The following NRG3 variants were observed in gnomAD, a reference collection of about 807,000 sequenced individuals.
NRG3 encodes the protein pro-neuregulin-3, membrane-bound isoform.
A neutral mutation model predicts 66.9 loss-of-function variants in NRG3; 31 were observed. The observed-to-expected ratio is 0.46, with a 90% CI of 0.35 to 0.63. The LOEUF is 0.63. Among genes scored for constraint, NRG3 ranks in the 20% least tolerant of loss-of-function variants. The probability of loss-of-function intolerance (pLI) is 0.00; values close to 1 mark genes in which losing one functional copy is unlikely to be tolerated. For missense variants in NRG3, 910 were observed against 878.9 expected (o/e 1.04, Z -0.45); for synonymous variants, 393 against 359.4 (o/e 1.09, Z -1.06).
chr10:82,203,890 T>C lies in NRG3; in HGVS notation c.824-154849T>C, dbSNP rs1407625534. Reference sequence around the variant, plus strand: ...GAATATTTAGCATTCTCTAATGCAGTCTACTGCATTAAGTCAGGTTTGCAT... The same window carrying C: ...GAATATTTAGCATTCTCTAATGCAGCCTACTGCATTAAGTCAGGTTTGCAT... On this transcript the variant is annotated intron_variant, in intron 1 of 8. Coordinates refer to ENST00000372141, the MANE Select transcript of NRG3 (RefSeq NM_001010848.4). Among the ~76,000 whole-genome samples the C allele has an allele frequency of 3.3e-5, 5 of 152,304 alleles. No homozygotes were observed. The South Asian group carries it at 8.3e-4, about 25-fold the overall frequency.
rs1385637916 is a variant in NRG3, at chr10:81,892,473, G to GTGT, written c.823+16312_823+16314dup. 2.6e-5 allele frequency among the ~76,000 whole-genome samples: 4 copies of GTGT among 152,064 alleles called. No homozygotes were observed. The South Asian group carries it at 8.3e-4, about 32-fold the overall frequency. On this transcript the variant is annotated intron_variant, in intron 1 of 8. Coordinates refer to ENST00000372141, the MANE Select transcript of NRG3 (RefSeq NM_001010848.4). Reference sequence around the variant, plus strand: ...TCTTACTTGCTGAATTTTACAAAGAGTGTTACAAGAAGAACAGAGGGCTAA... The same window carrying GTGT: ...TCTTACTTGCTGAATTTTACAAAGAGTGTTGTTACAAGAAGAACAGAGGGCTAA...
At chr10:82,449,410 C>G (rs1215877564) in intron 2 of NRG3, among the ~76,000 whole-genome samples, 3 of 152,156 alleles carry the variant, frequency 2.0e-5, no homozygotes, top group East Asian at 3.9e-4. Flanking sequence ...TGAGGCCCAG[C>G]CTGAATGAAA....
At chr10:82,158,559 G>C (rs2071349417) in intron 1 of NRG3, among the ~76,000 whole-genome samples, 1 of 151,740 alleles carries the variant, frequency 6.6e-6, no homozygotes, top group Admixed American at 6.6e-5. Flanking sequence ...CAGGTAAATT[G>C]GATGTATATT....
At chr10:82,626,022 G>T (rs1406167905) in intron 2 of NRG3, among the ~76,000 whole-genome samples, 1 of 152,072 alleles carries the variant, frequency 6.6e-6, no homozygotes, top group East Asian at 1.9e-4. Context: ...CTTAATCAAG[G>T]CATCTTGGTA....
intron 1 of NRG3, among the ~76,000 whole-genome samples, chr10:82,244,721 G>A (rs985743613): frequency 6.6e-6 from 1 of 152,018 alleles, no homozygotes; most frequent in Non-Finnish European, 1.5e-5. Context: ...TAACTCAAGT[G>A]CATTACAATT....
chr10:82,363,984 A>T (rs948573554), intron 2 of NRG3, among the ~76,000 whole-genome samples: 1 of 152,172 alleles, frequency 6.6e-6, no homozygotes, highest in Non-Finnish European at 1.5e-5. Context: ...CATATAGTAG[A>T]ATCCTAATTC....
At chr10:82,274,028 C>T (rs905991862) in intron 1 of NRG3, among the ~76,000 whole-genome samples, 8 of 151,982 alleles carry the variant, frequency 5.3e-5, no homozygotes, top group African/African-American at 1.2e-4. Context: ...GTTCTTGCAA[C>T]GGATCCAGTT....
chr10:82,893,446 T>G (rs1015983726), intron 4 of NRG3, among the ~76,000 whole-genome samples: 1 of 152,164 alleles, frequency 6.6e-6, no homozygotes, highest in East Asian at 1.9e-4. Flanking sequence ...TCCCAGCACT[T>G]TGGGAAGCTA....
chr10:82,209,057 A>G (rs977562323), intron 1 of NRG3, among the ~76,000 whole-genome samples: 1 of 152,208 alleles, frequency 6.6e-6, no homozygotes, highest in African/African-American at 2.4e-5. Flanking sequence ...TACTCAAACC[A>G]TAAAATCACA....
intron 4 of NRG3, among the ~76,000 whole-genome samples, chr10:82,909,979 GA>G (rs762886001): frequency 2.6e-5 from 4 of 152,110 alleles, no homozygotes; most frequent in Non-Finnish European, 4.4e-5. Context: ...AGAAGTTAAT[GA>G]AAAATAGAAA....
At chr10:82,663,552 T>C (rs2052531662) in intron 2 of NRG3, among the ~76,000 whole-genome samples, 1 of 152,194 alleles carries the variant, frequency 6.6e-6, no homozygotes, top group African/African-American at 2.4e-5. Flanking sequence ...TTAGCATCAA[T>C]CAACAGGGAG....
chr10:82,618,252 A>G (rs1040473999), intron 2 of NRG3, among the ~76,000 whole-genome samples: 5 of 152,286 alleles, frequency 3.3e-5, no homozygotes, highest in African/African-American at 1.2e-4. Flanking sequence ...AGTGCAAGCG[A>G]CAATCAGCCT....
chr10:82,166,927 A>G, intron 1 of NRG3: 1 of 487,588 alleles, frequency 2.1e-6, no homozygotes. Flanking sequence ...GATGTGCTTG[A>G]CTGTCTTCTT....
chr10:82,264,315 T>A (rs1432803887), intron 1 of NRG3, among the ~76,000 whole-genome samples: 1 of 152,160 alleles, frequency 6.6e-6, no homozygotes, highest in Non-Finnish European at 1.5e-5. Context: ...GGAGAAAGAA[T>A]GAGTGCTGAG....
chr10:82,941,878 A>G lies in NRG3; in HGVS notation c.1055-9591A>G, dbSNP rs188000247. 3.9e-5 allele frequency among the ~76,000 whole-genome samples: 6 copies of G among 152,318 alleles called. No individual in the cohort carries two copies. In the East Asian group the frequency reaches 9.6e-4, roughly 24 times the overall value. On this transcript the variant is annotated intron_variant, in intron 4 of 8. Transcript: ENST00000372141. The stretch of plus-strand genomic sequence containing the variant: ...TAGTTGGTTGATTTTTAGAATGACT[A>G]TAAGAGTAATCATGCTTCATTTTGA...
At chr10:82,735,322 A>G (rs2058101019) in intron 2 of NRG3, among the ~76,000 whole-genome samples, 2 of 152,294 alleles carry the variant, frequency 1.3e-5, no homozygotes, top group Admixed American at 1.3e-4. Context: ...GAGATTTTTC[A>G]TATAATTTCT....
intron 2 of NRG3, among the ~76,000 whole-genome samples, chr10:82,408,932 C>T (rs1278006545): frequency 1.3e-5 from 2 of 152,064 alleles, no homozygotes; most frequent in East Asian, 1.9e-4. Context: ...TGTGGAATTT[C>T]ATTTTAATAA....
chr10:82,231,108 C>T (rs923479468), intron 1 of NRG3, among the ~76,000 whole-genome samples: 2 of 151,972 alleles, frequency 1.3e-5, no homozygotes, highest in Non-Finnish European at 2.9e-5. Flanking sequence ...TTTGGGAGGC[C>T]GAGGAGGGTG....
intron 1 of NRG3, among the ~76,000 whole-genome samples, chr10:81,951,605 A>C (rs1849361474): frequency 6.6e-6 from 1 of 152,158 alleles, no homozygotes; most frequent in Non-Finnish European, 1.5e-5. Context: ...TTGATCTCTA[A>C]CCTATTGGGG....
Sources: allele counts gnomAD v4.1 joint callset (sites outside exome capture counted in the v4.1 genomes callset), GRCh38; gene constraint gnomAD v4.1.1; transcripts MANE v1.5; gene names NCBI Gene and HGNC (gene_info 2026-07-23, HGNC 2026-07-21).